Variants in CINP observed in about 807,000 individuals in gnomAD.
CINP encodes cyclin-dependent kinase 2-interacting protein.
CINP carries 11 observed loss-of-function variants against 20.5 expected under a neutral mutation model. The ratio of observed to expected loss-of-function variants is 0.54; its 90% confidence interval spans 0.34 to 0.89. CINP has a LOEUF of 0.89. CINP is among the 40% of genes least tolerant of loss of function. The pLI is 0.02. For missense variants in CINP, 213 were observed against 251.0 expected (o/e 0.85, Z 1.02); for synonymous variants, 108 against 102.1 (o/e 1.06, Z -0.35).
At position 102,355,106 on chromosome 14, in the gene CINP, A is replaced by T. The variant is rs571005520; in HGVS notation, c.306+662T>A. ...AAAGAAAATCCAAAAAACAAAGATA[A>T]AGTTTTCATGGAATGCAGCCACATC... On this transcript the variant is annotated intron_variant, in intron 3 of 4. Transcript: ENST00000216756. 3.9e-5 allele frequency among the ~76,000 whole-genome samples: 6 copies of T among 152,202 alleles called. No individual in the cohort carries two copies. In the South Asian group the frequency reaches 1.2e-3, roughly 32 times the overall value.
chr14:102,361,335 T>C (rs1326027359), intron 1 of CINP, among the ~76,000 whole-genome samples: 1 of 152,074 alleles, frequency 6.6e-6, no homozygotes, highest in Non-Finnish European at 1.5e-5. Context: ...AACTAGAACC[T>C]AATAGGCCAA....
chr14:102,359,478 G>T lies in CINP; in HGVS notation c.117C>A (p.Thr39=). The change falls in exon 2 of 5, where the codon ACC becomes ACA. Residue 39 remains threonine (T), a synonymous_variant. Coordinates refer to ENST00000216756, the MANE Select transcript of CINP (RefSeq NM_032630.3). ...DWHNLILKWE[T]LNDAGFTTAN... is the part of the protein sequence containing the mutation. ...CAGTGGTAAAACCTGCATCATTGAG[G>T]GTTTCCCACTTCAGGATTAAATTGT... 2 of 1,612,140 alleles carry T rather than the reference G, an allele frequency of 1.2e-6. No homozygotes were observed. The highest frequency in any genetic ancestry group is 1.7e-6 in the Non-Finnish European group (2 of 1,179,008).
At chr14:102,355,340 C>T (rs138715309) in intron 3 of CINP, among the ~76,000 whole-genome samples, 319 of 152,156 alleles carry the variant, frequency 2.1e-3, no homozygotes, top group Middle Eastern at 0.017. Flanking sequence ...TATGGTGAAA[C>T]CCTGTCTCAA....
chr14:102,349,939 G>A lies in CINP; in HGVS notation c.416C>T (p.Thr139Met), dbSNP rs374421517. 9 of 1,613,724 alleles carry A rather than the reference G, an allele frequency of 5.6e-6. No homozygotes were observed. Among genetic ancestry groups the A allele is most frequent in the East Asian group, 4.5e-5 (2 of 44,890 alleles). Reference protein sequence around the residue: ...EESKRPPLFHTWPTTHFYEVS... With the variant: ...EESKRPPLFHMWPTTHFYEVS... ...CTTACAGAAATGGGTTGTAGGCCAC[G>A]TGTGGAACAGAGGGGGTCGTTTACT... The change falls in exon 4 of 5, where the codon ACG (threonine) becomes ATG (methionine). Residue 139 changes from threonine (T) to methionine (M), a missense_variant. Coordinates refer to ENST00000216756, the MANE Select transcript of CINP (RefSeq NM_032630.3).
intron 3 of CINP, among the ~76,000 whole-genome samples, chr14:102,352,953 C>T (rs1367222214): frequency 1.3e-5 from 2 of 150,434 alleles, no homozygotes; most frequent in East Asian, 4.0e-4. Flanking sequence ...CTGGCCAAAA[C>T]AAAAATTAAA....
In CINP at chr14:102,348,524, G is replaced by A; in HGVS notation, c.*33C>T. 1 of 1,576,650 alleles carries A rather than the reference G, an allele frequency of 6.3e-7. No individual in the cohort carries two copies. Among genetic ancestry groups the A allele is most frequent in the East Asian group, 2.3e-5 (1 of 43,944 alleles). Reference sequence around the variant, plus strand: ...CAGACTGTCTGCCTGGTGAGACGTGGAAGGAGCCAGTGTCCGCAGCCGTCT... The same window carrying A: ...CAGACTGTCTGCCTGGTGAGACGTGAAAGGAGCCAGTGTCCGCAGCCGTCT... On this transcript the variant is annotated 3_prime_UTR_variant, in exon 5 of 5. Transcript: ENST00000216756.
chr14:102,358,734 A>G (rs1479062695), intron 2 of CINP, among the ~76,000 whole-genome samples: 1 of 152,138 alleles, frequency 6.6e-6, no homozygotes, highest in African/African-American at 2.4e-5. Context: ...GGAAACAATA[A>G]CATATGTTTT....
intron 3 of CINP, among the ~76,000 whole-genome samples, chr14:102,354,939 C>T (rs1000050251): frequency 1.3e-5 from 2 of 151,556 alleles, no homozygotes; most frequent in African/African-American, 2.4e-5. Context: ...TGTGGTGGCA[C>T]GAGCCTGTAA....
intron 3 of CINP, among the ~76,000 whole-genome samples, chr14:102,355,387 C>T (rs914295278): frequency 9.2e-5 from 14 of 151,904 alleles, no homozygotes; most frequent in Admixed American, 2.0e-4. Flanking sequence ...TGGTGGCGGA[C>T]GCCTGTAGTC....
intron 2 of CINP, among the ~76,000 whole-genome samples, chr14:102,358,538 G>A (rs904575647): frequency 7.2e-5 from 11 of 152,058 alleles, no homozygotes; most frequent in South Asian, 6.2e-4. Flanking sequence ...AAAATTAGCC[G>A]GGCATGGTGG....
At position 102,359,571 on chromosome 14, in the gene CINP, A is replaced by G; in HGVS notation, c.24T>C (p.Thr8=). Residue 8 remains threonine, a synonymous_variant, in exon 2 of 5, where the codon ACT becomes ACC. Transcript: ENST00000216756. ...ATAAGACAGGTTTTCTGGGCGTTAC[A>G]GTTCCAAGAGTCTTTGCTGATAGGG... The part of the protein sequence containing the change: MEAKTLG[T]VTPRKPVLSV... The G allele has an allele frequency of 6.2e-7, 1 of 1,610,066 alleles. No homozygotes were observed. The highest frequency in any genetic ancestry group is 8.5e-7 in the Non-Finnish European group (1 of 1,178,028).
At position 102,348,360 on chromosome 14, in the gene CINP, C is replaced by T. The variant is rs752606154; in HGVS notation, c.*197G>A. 5.2e-5 allele frequency: 30 copies of T among 581,704 alleles called. No homozygotes were observed. The highest frequency in any genetic ancestry group is 8.0e-5 in the Non-Finnish European group (26 of 326,572). The allele number at this position is 581,704 out of a possible 1,614,324, so 36.0% of individuals were successfully genotyped here. A position where few individuals can be genotyped will look rare whatever the true frequency, so the allele number is the denominator to read the frequency against. On this transcript the variant is annotated 3_prime_UTR_variant, in exon 5 of 5. Transcript: ENST00000216756. ...CCCAGGAGGGGCAGAGAAGGCTGAG[C>T]AGCACCACGTGGGGCTGGCCGCGGG...
chr14:102,362,407 T>C (rs1254756114), intron 1 of CINP, among the ~76,000 whole-genome samples: 3 of 152,120 alleles, frequency 2.0e-5, no homozygotes, highest in Non-Finnish European at 2.9e-5. Flanking sequence ...CTTAAAGTGC[T>C]TGGAGCAGTA....
rs1321773536 is a variant in CINP at position 102,350,041 on chromosome 14, A to G, written c.314T>C (p.Ile105Thr). The G allele has an allele frequency of 3.7e-6, 6 of 1,612,000 alleles. No individual in the cohort carries two copies. Among genetic ancestry groups the G allele is most frequent in the South Asian group, 2.2e-5 (2 of 90,716 alleles). ...AGACAGCTTTTCCATTTTCACCTGT[A>G]TTTTGGTCTGAAAGATATCCATTTG... Reference protein sequence around the residue: ...LQATLDGLTKIQVKMEKLSST... With the variant: ...LQATLDGLTKTQVKMEKLSST... The change falls in exon 4 of 5, where the codon ATA becomes ACA. Residue 105 changes from isoleucine (I) to threonine (T), a missense_variant. Coordinates refer to ENST00000216756, the MANE Select transcript of CINP (RefSeq NM_032630.3).
intron 2 of CINP, among the ~76,000 whole-genome samples, chr14:102,357,582 A>T (rs1447772882): frequency 6.6e-6 from 1 of 152,202 alleles, no homozygotes; most frequent in Non-Finnish European, 1.5e-5. Flanking sequence ...AGATCAAACC[A>T]GACACAGCAT....
intron 1 of CINP, among the ~76,000 whole-genome samples, chr14:102,360,682 G>A (rs1827399021): frequency 6.6e-6 from 1 of 152,092 alleles, no homozygotes; most frequent in African/African-American, 2.4e-5. Flanking sequence ...GTGAGGCCTC[G>A]CACAAGGCAA....
intron 1 of CINP, chr14:102,362,595 G>A: frequency 1.4e-6 from 1 of 707,584 alleles, no homozygotes; most frequent in Non-Finnish European, 2.6e-6. Context: ...CGGATCTGCT[G>A]ACACTCATTT....
Position 102,362,841 on chromosome 14 carries a change from G to C in CINP, c.7+4C>G, listed in dbSNP as rs755036205. The C allele has an allele frequency of 1.2e-6, 2 of 1,614,024 alleles. No individual in the cohort carries two copies. Among genetic ancestry groups the C allele is most frequent in the Non-Finnish European group, 1.7e-6 (2 of 1,179,936 alleles). On this transcript the variant is annotated splice_donor_region_variant and intron_variant, in intron 1 of 4. Coordinates refer to ENST00000216756, the MANE Select transcript of CINP (RefSeq NM_032630.3). Reference sequence around the variant, plus strand: ...ACCCCGGGAAAGGAACCGATCTCACGCACCTTCCATAAGGTCCACAGATAT... The same window carrying C: ...ACCCCGGGAAAGGAACCGATCTCACCCACCTTCCATAAGGTCCACAGATAT...
At position 102,359,535 on chromosome 14, in the gene CINP, T is replaced by C. The variant is rs147428140; in HGVS notation, c.60A>G (p.Ala20=). 34 of 1,613,276 alleles carry C rather than the reference T, an allele frequency of 2.1e-5. No homozygotes were observed. In the African/African-American group the frequency reaches 3.9e-4, roughly 18 times the overall value. Residue 20 remains alanine (A), a synonymous_variant, in exon 2 of 5, where the codon GCA becomes GCG. Transcript: ENST00000216756. ...TPRKPVLSVS[A]RKIKDNAADW... ...CAGCCGCATTGTCCTTAATTTTTCT[T>C]GCACTGACAGATAAGACAGGTTTTC...
Sources: gnomAD v4.1 joint callset for allele counts (sites outside exome capture counted in the v4.1 genomes callset) on GRCh38, gnomAD v4.1.1 for gene constraint, MANE v1.5 for transcripts, NCBI Gene and HGNC (gene_info 2026-07-23, HGNC 2026-07-21) for gene names.